The following CLEC16A variants were observed in gnomAD, a reference collection of about 807,000 sequenced individuals.
CLEC16A encodes the protein C-type lectin domain containing 16A.
CLEC16A carries 51 observed loss-of-function variants against 109.5 expected under a neutral mutation model. The observed-to-expected ratio is 0.47, with a 90% CI of 0.37 to 0.59. The LOEUF is 0.59. Among genes scored for constraint, CLEC16A ranks in the 20% least tolerant of loss-of-function variants. The pLI is 0.00. For synonymous variants in CLEC16A, 673 were observed against 564.2 expected (o/e 1.19, Z -2.73); for missense variants, 1,339 against 1,394.0 (o/e 0.96, Z 0.63).
chr16:11,067,155 G>GTT lies in CLEC16A; in HGVS notation c.2116+6133_2116+6134insTT, dbSNP rs200453714. ...GGAGTGGGTTTGTTGTTGTTGTGGG[G>GTT]GTTTTTTTTTTGGTTTTTTTTTTGT... On this transcript the variant is annotated intron_variant, in intron 19 of 23. Transcript: ENST00000409790. 8.9e-4 allele frequency among the ~76,000 whole-genome samples: 124 copies of GTT among 139,838 alleles called. No homozygotes were observed. In the East Asian group the frequency reaches 0.011, roughly 12 times the overall value. The allele number at this position is 139,838 out of a possible 152,430, so 91.7% of individuals were successfully genotyped here.
At chr16:10,974,346 T>C (rs2042939404) in intron 7 of CLEC16A, among the ~76,000 whole-genome samples, 1 of 152,188 alleles carries the variant, frequency 6.6e-6, no homozygotes, top group South Asian at 2.1e-4. Flanking sequence ...CTTCAATAAA[T>C]CTCTTTTAAA....
intron 13 of CLEC16A, among the ~76,000 whole-genome samples, chr16:11,029,177 G>C (rs967501122): frequency 2.6e-5 from 4 of 152,142 alleles, no homozygotes; most frequent in South Asian, 2.1e-4. Flanking sequence ...ACAGCCTTCA[G>C]TTTAGGGCTA....
intron 12 of CLEC16A, among the ~76,000 whole-genome samples, chr16:11,022,390 A>G (rs1333005588): frequency 8.1e-6 from 1 of 123,312 alleles, no homozygotes; most frequent in African/African-American, 3.3e-5. Flanking sequence ...TATGTTGCTC[A>G]GGCTAGTCTG....
rs765463086 is a variant in CLEC16A, at chr16:10,944,734, G to A, written c.17G>A (p.Arg6Gln). 4 of 1,608,260 alleles carry A rather than the reference G, an allele frequency of 2.5e-6. No homozygotes were observed. The African/African-American group carries it at 5.3e-5, about 21-fold the overall frequency. MFGRS[R>Q]SWVGGGHGKT... ...GCCGCCGACATGTTTGGCCGCTCGC[G>A]GAGCTGGGTGGGCGGGGGCCATGGC... is the stretch of plus-strand genomic sequence containing the variant. The change falls in exon 1 of 24, where the codon CGG becomes CAG. Residue 6 changes from arginine (R) to glutamine (Q), a missense_variant. Physicochemically the swap from Arg to Gln is conservative, Grantham distance 43. Transcript: ENST00000409790.
intron 10 of CLEC16A, among the ~76,000 whole-genome samples, chr16:10,984,872 G>A (rs1049511360): frequency 1.3e-5 from 2 of 152,190 alleles, no homozygotes; most frequent in African/African-American, 4.8e-5. Context: ...GGCAGCGCAA[G>A]CCCTGCTCTA....
chr16:10,996,360 G>A (rs1273149885), intron 10 of CLEC16A, among the ~76,000 whole-genome samples: 1 of 152,136 alleles, frequency 6.6e-6, no homozygotes, highest in African/African-American at 2.4e-5. Flanking sequence ...GGAGCTGGCC[G>A]AGCACCTTGG....
At chr16:11,076,985 C>T (rs1346830908) in intron 19 of CLEC16A, among the ~76,000 whole-genome samples, 1 of 152,164 alleles carries the variant, frequency 6.6e-6, no homozygotes, top group Non-Finnish European at 1.5e-5. Flanking sequence ...ATCCTAAATC[C>T]CCGTTAAAGT....
In CLEC16A at chr16:10,992,454, G is replaced by A. The variant is rs986020567; in HGVS notation, c.1071+9463G>A. Among the ~76,000 whole-genome samples the A allele has an allele frequency of 2.0e-5, 3 of 151,612 alleles. No individual in the cohort carries two copies. The Admixed American group carries it at 2.0e-4, about 10-fold the overall frequency. Reference sequence around the variant, plus strand: ...AGGCGATGGATATGCTAAGTACCCTGATGTGATCATTACATGACGTACACA... The same window carrying A: ...AGGCGATGGATATGCTAAGTACCCTAATGTGATCATTACATGACGTACACA... On this transcript the variant is annotated intron_variant, in intron 10 of 23. Coordinates refer to ENST00000409790, the MANE Select transcript of CLEC16A (RefSeq NM_015226.3).
intron 19 of CLEC16A, among the ~76,000 whole-genome samples, chr16:11,077,195 C>T (rs1012655601): frequency 3.3e-5 from 5 of 151,786 alleles, no homozygotes; most frequent in African/African-American, 4.8e-5. Context: ...AAAGGTCGGG[C>T]GTGGTGGCTC....
chr16:11,142,877 C>A (rs1767222638), intron 22 of CLEC16A, among the ~76,000 whole-genome samples: 3 of 152,212 alleles, frequency 2.0e-5, no homozygotes, highest in Non-Finnish European at 4.4e-5. Context: ...GTGGCACAAT[C>A]TCAGCTCACT....
chr16:11,065,540 C>T (rs1391631125), intron 19 of CLEC16A, among the ~76,000 whole-genome samples: 1 of 152,224 alleles, frequency 6.6e-6, no homozygotes, highest in Admixed American at 6.5e-5. Context: ...AGCCAGACTT[C>T]ACTTCTGTTC....
At chr16:11,173,820 C>A (rs961342553) in intron 23 of CLEC16A, among the ~76,000 whole-genome samples, 1 of 152,220 alleles carries the variant, frequency 6.6e-6, no homozygotes, top group East Asian at 1.9e-4. Flanking sequence ...AGGCTTCCGA[C>A]CAAGACCAGA....
intron 11 of CLEC16A, among the ~76,000 whole-genome samples, chr16:11,012,224 T>C (rs7197363): frequency 0.01 from 1,564 of 152,284 alleles, 23 homozygotes; most frequent in African/African-American, 0.035. Flanking sequence ...CACGAAAACA[T>C]ATCTAACTTC....
At position 11,071,271 on chromosome 16, in the gene CLEC16A, G is replaced by A. The variant is rs563243490; in HGVS notation, c.2116+10249G>A. On this transcript the variant is annotated intron_variant, in intron 19 of 23. Coordinates refer to ENST00000409790, the MANE Select transcript of CLEC16A (RefSeq NM_015226.3). ...TTGGCTTATTTTGCTGATGACCCAGGCATTGTCATGTGCCTCTCATCCTAG... is the reference window on the plus strand; with the variant it reads ...TTGGCTTATTTTGCTGATGACCCAGACATTGTCATGTGCCTCTCATCCTAG... Among the ~76,000 whole-genome samples, 140 of 152,278 alleles carry A rather than the reference G, an allele frequency of 9.2e-4. 1 individual carries two copies. The highest frequency in any genetic ancestry group is 1.5e-3 in the Non-Finnish European group (104 of 68,030).
chr16:10,966,209 AAAAGG>A (rs1282966069), intron 3 of CLEC16A, among the ~76,000 whole-genome samples: 2 of 152,218 alleles, frequency 1.3e-5, no homozygotes, highest in Non-Finnish European at 2.9e-5. Context: ...AAAGAAAAGA[AAAAGG>A]AAAAGGAAAG....
chr16:11,177,120 C>T (rs2068780928), intron 23 of CLEC16A, among the ~76,000 whole-genome samples: 1 of 152,186 alleles, frequency 6.6e-6, no homozygotes, highest in Admixed American at 6.5e-5. Flanking sequence ...GCTTGGGGAC[C>T]CCCAGCTCTG....
At chr16:10,971,547 A>G in intron 5 of CLEC16A, 26 of 983,426 alleles carry the variant, frequency 2.6e-5, no homozygotes, top group Non-Finnish European at 3.1e-5. Flanking sequence ...TTAATGTGTC[A>G]TTTAAATTTT....
intron 19 of CLEC16A, among the ~76,000 whole-genome samples, chr16:11,093,305 A>G (rs1037325044): frequency 6.6e-6 from 1 of 152,168 alleles, no homozygotes; most frequent in Non-Finnish European, 1.5e-5. Flanking sequence ...TTGGAGAACA[A>G]AGCCACTTTT....
Position 11,126,159 on chromosome 16 carries a change from C to T in CLEC16A, c.2641+13C>T. ...GACAAGGTGCCAGGTGAGCCAGCCCCCCGCCCTGCGCCACAGCTCGTTCAT... is the reference window on the plus strand; with the variant it reads ...GACAAGGTGCCAGGTGAGCCAGCCCTCCGCCCTGCGCCACAGCTCGTTCAT... On this transcript the variant is annotated intron_variant, in intron 22 of 23. Transcript: ENST00000409790. The T allele has an allele frequency of 1.2e-6, 2 of 1,613,754 alleles. No individual in the cohort carries two copies. The highest frequency in any genetic ancestry group is 1.7e-6 in the Non-Finnish European group (2 of 1,179,864).
Sources: allele counts gnomAD v4.1 joint callset (sites outside exome capture counted in the v4.1 genomes callset), GRCh38; gene constraint gnomAD v4.1.1; transcripts MANE v1.5; gene names NCBI Gene and HGNC (gene_info 2026-07-23, HGNC 2026-07-21).